The following PINX1 variants were observed in gnomAD, a reference collection of about 807,000 sequenced individuals.
PINX1 encodes the protein PIN2 (TERF1) interacting telomerase inhibitor 1.
PINX1 carries 34 observed loss-of-function variants against 25.4 expected under a neutral mutation model. The observed-to-expected ratio is 1.34, with a 90% CI of 1.02 to 1.78. The LOEUF (loss-of-function observed/expected upper bound fraction) is 1.78. PINX1 is among the 40% of genes most tolerant of loss of function. The pLI is 0.00. For synonymous variants in PINX1, 197 were observed against 147.7 expected (o/e 1.33, Z -2.42); for missense variants, 592 against 404.9 (o/e 1.46, Z -3.97).
At chr8:10,789,456 T>C (rs2129075968) in intron 6 of PINX1, among the ~76,000 whole-genome samples, 1 of 152,342 alleles carries the variant, frequency 6.6e-6, no homozygotes, top group East Asian at 1.9e-4. Flanking sequence ...ATCTAATCTA[T>C]TAGCAAATTT....
intron 6 of PINX1, among the ~76,000 whole-genome samples, chr8:10,779,814 T>A (rs1801525458): frequency 6.6e-6 from 1 of 152,186 alleles, no homozygotes; most frequent in Non-Finnish European, 1.5e-5. Context: ...TAACAAGGCC[T>A]ACAAATGAAG....
chr8:10,812,248 T>C (rs1797546214), intron 6 of PINX1, among the ~76,000 whole-genome samples: 1 of 152,202 alleles, frequency 6.6e-6, no homozygotes, highest in South Asian at 2.1e-4. Flanking sequence ...AAAGCCAAAA[T>C]TGCTCAAGTA....
At chr8:10,788,591 AT>A (rs1161876665) in intron 6 of PINX1, among the ~76,000 whole-genome samples, 2 of 152,038 alleles carry the variant, frequency 1.3e-5, no homozygotes. Flanking sequence ...AAAAAAGTGA[AT>A]GTATATCTAT....
intron 6 of PINX1, among the ~76,000 whole-genome samples, chr8:10,801,293 G>A (rs115871537): frequency 1.3e-3 from 205 of 152,370 alleles, no homozygotes; most frequent in African/African-American, 4.6e-3. Flanking sequence ...TAAAGGAGGA[G>A]AGGATGATGG....
Position 10,765,252 on chromosome 8 carries a change from C to T in PINX1, c.*149G>A, listed in dbSNP as rs994240828. The T allele has an allele frequency of 6.4e-6, 4 of 625,948 alleles. No homozygotes were observed. The highest frequency in any genetic ancestry group is 1.0e-5 in the Non-Finnish European group (4 of 381,392). The allele number at this position is 625,948 out of a possible 1,614,324, so 38.8% of individuals were successfully genotyped here. A position where few individuals can be genotyped will look rare whatever the true frequency, so the allele number is the denominator to read the frequency against. On this transcript the variant is annotated 3_prime_UTR_variant, in exon 7 of 7. Coordinates refer to ENST00000314787, the MANE Select transcript of PINX1 (RefSeq NM_017884.6). The stretch of plus-strand genomic sequence containing the variant: ...GGAATGTAACTTGGGGGAAATGTGG[C>T]GAGAGGGCAGGACTCGGCAGCCCAT...
chr8:10,771,151 G>A (rs949487848), intron 6 of PINX1: 6 of 152,202 alleles, frequency 3.9e-5, no homozygotes, highest in Non-Finnish European at 8.8e-5. Flanking sequence ...TTTCAGTGGG[G>A]CAGTTCTGAC....
At chr8:10,778,874 A>T (rs1329144079) in intron 6 of PINX1, among the ~76,000 whole-genome samples, 1 of 152,218 alleles carries the variant, frequency 6.6e-6, no homozygotes, top group Non-Finnish European at 1.5e-5. Context: ...GTGGGCTTTT[A>T]CCCATGTAAG....
At chr8:10,787,004 G>A (rs899487770) in intron 6 of PINX1, among the ~76,000 whole-genome samples, 1 of 152,154 alleles carries the variant, frequency 6.6e-6, no homozygotes, top group African/African-American at 2.4e-5. Context: ...TGTGTGTGTG[G>A]AGGGGTAGGC....
At chr8:10,811,551 T>A (rs1797521774) in intron 6 of PINX1, among the ~76,000 whole-genome samples, 1 of 152,206 alleles carries the variant, frequency 6.6e-6, no homozygotes, top group South Asian at 2.1e-4. Flanking sequence ...TTTCTGTGGG[T>A]TAGCAATTCG....
intron 6 of PINX1, among the ~76,000 whole-genome samples, chr8:10,816,318 A>G (rs1408825424): frequency 1.3e-5 from 2 of 152,254 alleles, no homozygotes; most frequent in Admixed American, 1.3e-4. Flanking sequence ...CTATCTTTGC[A>G]ACATCCTGTT....
At chr8:10,798,110 A>T (rs1549792) in intron 6 of PINX1, among the ~76,000 whole-genome samples, 1 of 151,936 alleles carries the variant, frequency 6.6e-6, no homozygotes. Flanking sequence ...ATCCACACAC[A>T]TGTTTCTGGG....
chr8:10,827,756 A>C (rs1201884090), intron 4 of PINX1, among the ~76,000 whole-genome samples: 1 of 151,420 alleles, frequency 6.6e-6, no homozygotes, highest in Non-Finnish European at 1.5e-5. Context: ...AATACAAAAA[A>C]AAAAATTAGC....
At chr8:10,790,976 A>G (rs565814740) in intron 6 of PINX1, among the ~76,000 whole-genome samples, 1 of 152,158 alleles carries the variant, frequency 6.6e-6, no homozygotes, top group South Asian at 2.1e-4. Flanking sequence ...ACAAAGGCGC[A>G]ATCTTGGCTC....
intron 6 of PINX1, among the ~76,000 whole-genome samples, chr8:10,811,890 G>A (rs1454587376): frequency 1.2e-4 from 18 of 152,214 alleles, no homozygotes; most frequent in Non-Finnish European, 5.9e-5. Flanking sequence ...CTGGGTAGAG[G>A]GGAGGGGGCC....
At chr8:10,817,411 G>T (rs1470403625) in intron 6 of PINX1, among the ~76,000 whole-genome samples, 1 of 152,190 alleles carries the variant, frequency 6.6e-6, no homozygotes, top group African/African-American at 2.4e-5. Flanking sequence ...AAGGGCTGTT[G>T]TAACTAACAA....
chr8:10,779,552 C>T (rs1801517455), intron 6 of PINX1, among the ~76,000 whole-genome samples: 1 of 152,088 alleles, frequency 6.6e-6, no homozygotes, highest in South Asian at 2.1e-4. Flanking sequence ...CTCTCTCTCT[C>T]TTTTTTTAAA....
intron 6 of PINX1, among the ~76,000 whole-genome samples, chr8:10,796,311 G>A (rs564877703): frequency 2.0e-5 from 3 of 152,182 alleles, no homozygotes; most frequent in South Asian, 2.1e-4. Context: ...CAGGATCCCC[G>A]GGGGGAAATG....
At chr8:10,823,065 G>A (rs1031159955) in intron 5 of PINX1, among the ~76,000 whole-genome samples, 3 of 152,204 alleles carry the variant, frequency 2.0e-5, no homozygotes, top group African/African-American at 4.8e-5. Context: ...AAGAGTCAGT[G>A]TGAGTGACAC....
intron 6 of PINX1, among the ~76,000 whole-genome samples, chr8:10,786,137 C>T (rs1164745951): frequency 2.0e-5 from 3 of 152,134 alleles, no homozygotes; most frequent in South Asian, 2.1e-4. Context: ...TTCAAAATGC[C>T]TTGTTATCTT....
Sources: allele counts gnomAD v4.1 joint callset (sites outside exome capture counted in the v4.1 genomes callset), GRCh38; gene constraint gnomAD v4.1.1; transcripts MANE v1.5; gene names NCBI Gene and HGNC (gene_info 2026-07-23, HGNC 2026-07-21).